The following KLHL8 variants were observed in gnomAD, a reference collection of about 807,000 sequenced individuals.
KLHL8 encodes kelch like family member 8.
KLHL8 carries 38 observed loss-of-function variants against 63.5 expected under a neutral mutation model. That is an observed-to-expected ratio of 0.60 (90% CI 0.46 to 0.78). The LOEUF is 0.78. KLHL8 is among the 30% of genes least tolerant of loss of function. The pLI, the probability that KLHL8 is intolerant of heterozygous loss-of-function variation, is 0.00. For synonymous variants in KLHL8, 224 were observed against 254.3 expected, an observed-to-expected ratio of 0.88 and a Z score of 1.13; for missense variants, 566 against 752.4, an observed-to-expected ratio of 0.75 and a Z score of 2.90.
At position 87,163,440 on chromosome 4, in the gene KLHL8, G is replaced by A; in HGVS notation, c.*79C>T. On this transcript the variant is annotated 3_prime_UTR_variant, in exon 10 of 10. Coordinates refer to ENST00000273963, the MANE Select transcript of KLHL8 (RefSeq NM_020803.5). ...GACTCTAGTTGCAGTAAAAAGTGTT[G>A]AAAGGTGGTCATATCAAAATCTTGG... 3.4e-6 allele frequency: 5 copies of A among 1,458,694 alleles called. No homozygotes were observed. The Admixed American group carries it at 7.7e-5, about 22-fold the overall frequency. 90.4% of individuals were successfully genotyped at this position (1,458,694 alleles called of 1,614,324 possible).
intron 4 of KLHL8, among the ~76,000 whole-genome samples, chr4:87,182,067 A>G (rs1357845355): frequency 6.6e-6 from 1 of 151,962 alleles, no homozygotes; most frequent in Non-Finnish European, 1.5e-5. Flanking sequence ...TCTCTACTAA[A>G]AATACAAAAA....
intron 6 of KLHL8, among the ~76,000 whole-genome samples, chr4:87,175,537 GT>G (rs1299951090): frequency 6.6e-6 from 1 of 151,974 alleles, no homozygotes; most frequent in Non-Finnish European, 1.5e-5. Context: ...CATTTTTTAG[GT>G]TTTTGTCTAG....
At chr4:87,237,888 T>C (rs1733259742) in intron 1 of KLHL8, among the ~76,000 whole-genome samples, 1 of 152,286 alleles carries the variant, frequency 6.6e-6, no homozygotes, top group South Asian at 2.1e-4. Context: ...TGCTACCTTT[T>C]CAGAAAAACA....
At chr4:87,194,879 T>A (rs930674322) in intron 2 of KLHL8, among the ~76,000 whole-genome samples, 1 of 152,218 alleles carries the variant, frequency 6.6e-6, no homozygotes. Flanking sequence ...GAGATTAAAT[T>A]ACTGGAATAG....
chr4:87,214,435 T>G (rs1358910877), intron 1 of KLHL8, among the ~76,000 whole-genome samples: 2 of 79,226 alleles, frequency 2.5e-5, no homozygotes, highest in African/African-American at 7.5e-5. Flanking sequence ...TATATATATA[T>G]ATATATATAT....
Position 87,163,399 on chromosome 4 carries a change from G to T in KLHL8, c.*120C>A. 1.0e-6 allele frequency: 1 copy of T among 991,546 alleles called. No individual in the cohort carries two copies. The highest frequency in any genetic ancestry group is 1.5e-6 in the Non-Finnish European group (1 of 670,972). 61.4% of individuals were successfully genotyped at this position (991,546 alleles called of 1,614,324 possible). A position where few individuals can be genotyped will look rare whatever the true frequency, so the allele number is the denominator to read the frequency against. On this transcript the variant is annotated 3_prime_UTR_variant, in exon 10 of 10. Transcript: ENST00000273963. Reference sequence around the variant, plus strand: ...AGTTGTACTTAGTCACAATACAACAGTTAACATTTAAATAAGACTCTAGTT... The same window carrying T: ...AGTTGTACTTAGTCACAATACAACATTTAACATTTAAATAAGACTCTAGTT...
intron 7 of KLHL8, 79 bp downstream of exon 7, chr4:87,170,365 GTGA>G: frequency 7.0e-7 from 1 of 1,429,390 alleles, no homozygotes; most frequent in South Asian, 1.3e-5. Flanking sequence ...CTTCATACTG[GTGA>G]TGATATATTG....
chr4:87,216,798 T>C lies in KLHL8; in HGVS notation c.-152+3620A>G, dbSNP rs1673026812. On this transcript the variant is annotated intron_variant, in intron 1 of 9. Coordinates refer to ENST00000273963, the MANE Select transcript of KLHL8 (RefSeq NM_020803.5). ...ATAGCAATATCCACCAGAAAATAAA[T>C]TGTACTGGCAGCATTTTAAAATACA... is the stretch of plus-strand genomic sequence containing the variant. 5.3e-5 allele frequency among the ~76,000 whole-genome samples: 8 copies of C among 152,108 alleles called. No individual in the cohort carries two copies. In the South Asian group the frequency reaches 1.4e-3, roughly 28 times the overall value.
At chr4:87,209,679 G>A (rs1732307551) in intron 1 of KLHL8, among the ~76,000 whole-genome samples, 1 of 152,066 alleles carries the variant, frequency 6.6e-6, no homozygotes, top group African/African-American at 2.4e-5. Flanking sequence ...TTTAGCATGT[G>A]ATATTAATAT....
chr4:87,210,399 T>A (rs565642462), intron 1 of KLHL8, among the ~76,000 whole-genome samples: 1 of 152,242 alleles, frequency 6.6e-6, no homozygotes, highest in Non-Finnish European at 1.5e-5. Flanking sequence ...GAGAATGGTG[T>A]GAACCTGGCA....
chr4:87,192,925 G>A (rs561793329), intron 2 of KLHL8, among the ~76,000 whole-genome samples: 5 of 151,682 alleles, frequency 3.3e-5, no homozygotes, highest in East Asian at 1.9e-4. Flanking sequence ...AAGTACACCC[G>A]TATAAGGTAT....
Position 87,185,101 on chromosome 4 carries a change from A to T in KLHL8, c.765+150T>A, listed in dbSNP as rs546176286. On this transcript the variant is annotated intron_variant, in intron 3 of 9. Transcript: ENST00000273963. ...AAACAGCACAGCAAGTTAACAGGAA[A>T]ATTAGAGAGCTAAAAGCCATTTCTA... is the stretch of plus-strand genomic sequence containing the variant. 68 of 718,836 alleles carry T rather than the reference A, an allele frequency of 9.5e-5. No individual in the cohort carries two copies. In the East Asian group the frequency reaches 1.9e-3, roughly 20 times the overall value. The allele number at this position is 718,836 out of a possible 1,614,324, so 44.5% of individuals were successfully genotyped here. A position where few individuals can be genotyped will look rare whatever the true frequency, so the allele number is the denominator to read the frequency against.
Position 87,195,529 on chromosome 4 carries a change from T to A in KLHL8, c.11A>T (p.Asp4Val). Residue 4 changes from aspartate (D) to valine (V), a missense_variant, in exon 2 of 10, where the codon GAT (aspartate) becomes GTT (valine). By Grantham distance (152) the Asp-to-Val change is radical. Transcript: ENST00000273963. ...CCTAGCTTGTTTACTACTCATAGAA[T>A]CTGAAGCCATTTGCAATATTCCTCT... MAS[D>V]SMSSKQARNH... 6.2e-7 allele frequency: 1 copy of A among 1,612,628 alleles called. No individual in the cohort carries two copies. The highest frequency in any genetic ancestry group is 8.5e-7 in the Non-Finnish European group (1 of 1,179,608).
chr4:87,165,228 CAATT>C (rs1043372515), intron 8 of KLHL8, among the ~76,000 whole-genome samples: 1 of 144,270 alleles, frequency 6.9e-6, no homozygotes, highest in African/African-American at 2.5e-5. Context: ...TTTATTAAAT[CAATT>C]AAAATGAAAT....
intron 4 of KLHL8, among the ~76,000 whole-genome samples, chr4:87,181,043 T>A (rs1027716666): frequency 4.0e-5 from 6 of 151,594 alleles, no homozygotes; most frequent in East Asian, 1.9e-4. Context: ...CTCAAAAAAA[T>A]TTTTTTAATA....
In KLHL8 at chr4:87,220,498, A is replaced by C. The variant is rs1168926860; in HGVS notation, c.-232T>G. 1.3e-5 allele frequency: 2 copies of C among 152,224 alleles called. No homozygotes were observed. Among genetic ancestry groups the C allele is most frequent in the Non-Finnish European group, 2.9e-5 (2 of 68,100 alleles). 9.4% of individuals were successfully genotyped at this position (152,224 alleles called of 1,614,324 possible). A position where few individuals can be genotyped will look rare whatever the true frequency, so the allele number is the denominator to read the frequency against. The stretch of plus-strand genomic sequence containing the variant: ...CGCTCCCAGAGCCCCGGCCGCCCTC[A>C]GCGGAACCTCACCAACCCCGCGCGA... On this transcript the variant is annotated 5_prime_UTR_variant, in exon 1 of 10. Coordinates refer to ENST00000273963, the MANE Select transcript of KLHL8 (RefSeq NM_020803.5).
intron 8 of KLHL8, 120 bp from the exon 9 acceptor site, chr4:87,164,199 ATTT>A: frequency 1.1e-6 from 1 of 921,904 alleles, no homozygotes; most frequent in East Asian, 2.6e-5. Context: ...TTTAGAGAAA[ATTT>A]TTTTAAAAAA....
At chr4:87,164,880 G>A (rs932990833) in intron 8 of KLHL8, among the ~76,000 whole-genome samples, 5 of 152,202 alleles carry the variant, frequency 3.3e-5, no homozygotes, top group East Asian at 1.9e-4. Context: ...CGGGCGCGGT[G>A]GCTCACGCCT....
chr4:87,187,229 GTTGTTA>G (rs1259779500), intron 2 of KLHL8, among the ~76,000 whole-genome samples: 2 of 152,038 alleles, frequency 1.3e-5, no homozygotes, highest in Non-Finnish European at 2.9e-5. Context: ...TATCTTGAGT[GTTGTTA>G]TTGTTGTTGT....
Sources: gnomAD v4.1 joint callset for allele counts (sites outside exome capture counted in the v4.1 genomes callset) on GRCh38, gnomAD v4.1.1 for gene constraint, MANE v1.5 for transcripts, NCBI Gene and HGNC (gene_info 2026-07-23, HGNC 2026-07-21) for gene names.